Variants in PSD3 observed in about 807,000 individuals in gnomAD.
PSD3 encodes PH and SEC7 domain-containing protein 3.
Under a neutral mutation model 105.5 loss-of-function variants are expected in PSD3, and 49 were observed. That is an observed-to-expected ratio of 0.46 (90% confidence interval 0.37 to 0.59). The LOEUF (loss-of-function observed/expected upper bound fraction) is 0.59, where lower values mean the gene tolerates loss of function less well. Ranked by LOEUF, PSD3 falls within the 20% of genes least tolerant of loss-of-function variation. PSD3 has a pLI of 0.00. For missense variants in PSD3, 1,561 were observed against 1,263.8 expected, an observed-to-expected ratio of 1.24 and a Z score of -3.57; for synonymous variants, 557 against 457.8, an observed-to-expected ratio of 1.22 and a Z score of -2.77.
In PSD3 at chr8:18,574,724, C is replaced by T. The variant is rs185409314; in HGVS notation, c.2639+404G>A. ...TCTCACTAGAACTCTGTAAGATAAA[C>T]GTTATCCCCCACACTAGTGACGAGC... On this transcript the variant is annotated intron_variant, in intron 13 of 15. Transcript: ENST00000327040. 5.7e-3 allele frequency among the ~76,000 whole-genome samples: 864 copies of T among 152,284 alleles called. 4 individuals carry two copies. Among genetic ancestry groups the T allele is most frequent in the Non-Finnish European group, 9.5e-3 (643 of 68,024 alleles).
At chr8:19,073,017 C>T (rs78228333) in intron 1 of PSD3, among the ~76,000 whole-genome samples, 1 of 152,210 alleles carries the variant, frequency 6.6e-6, no homozygotes, top group African/African-American at 2.4e-5. Context: ...GGATTTGGGG[C>T]TAGATTTTAT....
intron 8 of PSD3, among the ~76,000 whole-genome samples, chr8:18,779,475 T>C (rs1487958373): frequency 4.6e-5 from 7 of 152,164 alleles, no homozygotes. Context: ...TATTATTTCC[T>C]GCTGTTAATT....
intron 4 of PSD3, among the ~76,000 whole-genome samples, chr8:18,829,438 T>C (rs1476769490): frequency 6.6e-6 from 1 of 152,188 alleles, no homozygotes; most frequent in African/African-American, 2.4e-5. Context: ...TGGATGTCAT[T>C]CCCTTTATCT....
At chr8:18,615,861 T>C (rs1313782668) in intron 11 of PSD3, among the ~76,000 whole-genome samples, 1 of 152,186 alleles carries the variant, frequency 6.6e-6, no homozygotes, top group Non-Finnish European at 1.5e-5. Context: ...TGCACGCATT[T>C]CTACAACTAG....
intron 2 of PSD3, among the ~76,000 whole-genome samples, chr8:18,881,707 T>C (rs556572329): frequency 6.6e-6 from 1 of 152,302 alleles, no homozygotes; most frequent in African/African-American, 2.4e-5. Flanking sequence ...GAACCTGGGA[T>C]CAGTCATGCC....
chr8:18,643,988 G>C (rs1807845903), intron 10 of PSD3, among the ~76,000 whole-genome samples: 1 of 152,212 alleles, frequency 6.6e-6, no homozygotes, highest in African/African-American at 2.4e-5. Context: ...CCAGAATGTG[G>C]GGAGCAGAGA....
At chr8:18,824,994 T>C (rs937791163) in intron 4 of PSD3, among the ~76,000 whole-genome samples, 1 of 152,132 alleles carries the variant, frequency 6.6e-6, no homozygotes, top group Admixed American at 6.5e-5. Flanking sequence ...TATAAAAAAA[T>C]ACACACATAC....
chr8:18,559,358 T>C (rs1563321301), intron 14 of PSD3, among the ~76,000 whole-genome samples: 1 of 152,244 alleles, frequency 6.6e-6, no homozygotes, highest in Admixed American at 6.5e-5. Flanking sequence ...TATATTTCCC[T>C]GAATATGAAT....
intron 1 of PSD3, among the ~76,000 whole-genome samples, chr8:19,075,112 A>C (rs1312674935): frequency 6.6e-6 from 1 of 151,022 alleles, no homozygotes; most frequent in African/African-American, 2.4e-5. Flanking sequence ...TGCCCGGCTA[A>C]TATTTTTGTA....
intron 1 of PSD3, among the ~76,000 whole-genome samples, chr8:18,984,675 A>G (rs1478730007): frequency 6.6e-6 from 1 of 152,224 alleles, no homozygotes; most frequent in African/African-American, 2.4e-5. Context: ...AGCTACAAAA[A>G]TGTTGAGGTT....
chr8:18,884,485 T>C (rs2129458987), intron 2 of PSD3, among the ~76,000 whole-genome samples: 1 of 152,340 alleles, frequency 6.6e-6, no homozygotes, highest in South Asian at 2.1e-4. Flanking sequence ...AAATACATTA[T>C]ATTTTAAGAC....
intron 1 of PSD3, among the ~76,000 whole-genome samples, chr8:18,993,845 GAACAATTTGATTATATCA>G (rs1272567291): frequency 1.5e-5 from 2 of 132,154 alleles, no homozygotes; most frequent in African/African-American, 2.7e-5. Context: ...CTGTTTTCCA[GAACAATTTGATTATATCA>G]AACAATTTGA....
Position 18,874,702 on chromosome 8 carries a change from C to CAAA in PSD3, c.131-1972_131-1970dup, listed in dbSNP as rs746055038. Among the ~76,000 whole-genome samples the CAAA allele has an allele frequency of 4.2e-3, 220 of 52,694 alleles. 4 individuals are homozygous for CAAA. Among genetic ancestry groups the CAAA allele is most frequent in the Admixed American group, 0.015 (70 of 4,620 alleles). The allele number at this position is 52,694 out of a possible 152,430, so 34.6% of individuals were successfully genotyped here. On this transcript the variant is annotated intron_variant, in intron 2 of 15. Transcript: ENST00000327040. ...TGGGTGACAGAGCAAGACTCCATCT[C>CAAA]AAAAAAAAAAAAAAAAAAAAAAATT... is the stretch of plus-strand genomic sequence containing the variant.
chr8:18,666,727 G>T (rs989042008), intron 9 of PSD3, among the ~76,000 whole-genome samples: 3 of 148,176 alleles, frequency 2.0e-5, no homozygotes, highest in East Asian at 4.1e-4. Flanking sequence ...TTTTTTTTGG[G>T]GGGTGGGGGG....
chr8:19,074,071 C>T lies in PSD3; in HGVS notation c.324+10135G>A, dbSNP rs1388350271. Among the ~76,000 whole-genome samples, 5 of 152,182 alleles carry T rather than the reference C, an allele frequency of 3.3e-5. No individual in the cohort carries two copies. The South Asian group carries it at 6.2e-4, about 19-fold the overall frequency. On this transcript the variant is annotated intron_variant, in intron 1 of 1. Coordinates refer to the PSD3 transcript ENST00000521475. ...TCCCAAAGTGCCGAGATTACAGGCC[C>T]GAGCCACCGCGCCCCGCAGCCCAGA...
chr8:18,635,246 C>T (rs1285940322), intron 10 of PSD3, among the ~76,000 whole-genome samples: 1 of 152,058 alleles, frequency 6.6e-6, no homozygotes, highest in African/African-American at 2.4e-5. Flanking sequence ...TTGTCCTGGC[C>T]CTGAAATCAA....
chr8:18,687,049 G>T (rs1440450745), intron 9 of PSD3, among the ~76,000 whole-genome samples: 2 of 152,162 alleles, frequency 1.3e-5, no homozygotes, highest in African/African-American at 4.8e-5. Context: ...CTGCATCTCA[G>T]AGGCCAAAAC....
At chr8:19,058,427 T>C (rs1263815296) in intron 1 of PSD3, among the ~76,000 whole-genome samples, 5 of 148,350 alleles carry the variant, frequency 3.4e-5, no homozygotes, top group Non-Finnish European at 7.4e-5. Context: ...TAAAATTATA[T>C]GATATATTAC....
chr8:18,706,463 C>G (rs1402170350), intron 9 of PSD3, among the ~76,000 whole-genome samples: 1 of 152,202 alleles, frequency 6.6e-6, no homozygotes, highest in Non-Finnish European at 1.5e-5. Context: ...GGAATTGATT[C>G]TAACTTGACT....
Sources: allele counts gnomAD v4.1 joint callset (sites outside exome capture counted in the v4.1 genomes callset), GRCh38; gene constraint gnomAD v4.1.1; transcripts MANE v1.5; gene names NCBI Gene and HGNC (gene_info 2026-07-23, HGNC 2026-07-21).